The following RBM19 variants were observed in gnomAD, a reference collection of about 807,000 sequenced individuals.
RBM19 encodes the protein RNA binding motif protein 19.
A neutral mutation model predicts 116.8 loss-of-function variants in RBM19; 94 were observed. The ratio of observed to expected loss-of-function variants is 0.80; its 90% CI spans 0.68 to 0.95. The LOEUF (loss-of-function observed/expected upper bound fraction) is 0.95, where lower values mean the gene tolerates loss of function less well. Ranked by LOEUF, RBM19 falls within the 40% of genes least tolerant of loss-of-function variation. RBM19 has a pLI of 0.00. For missense variants in RBM19, 1,161 were observed against 1,220.7 expected (o/e 0.95, Z 0.73); for synonymous variants, 475 against 494.1 (o/e 0.96, Z 0.51).
Position 113,966,288 on chromosome 12 carries a change from C to T in RBM19, c.-61G>A. ...CTGGTCAGCGTCTTCCACCAAGTTT[C>T]ACGCTACCGCCCTGGGCGCCGCCAT... On this transcript the variant is annotated 5_prime_UTR_variant, in exon 1 of 24. It removes the in-frame stop codon of an upstream open reading frame in the 5' UTR. Transcript: ENST00000261741. 6.2e-7 allele frequency: 1 copy of T among 1,606,788 alleles called. No individual in the cohort carries two copies. Among genetic ancestry groups the T allele is most frequent in the Non-Finnish European group, 8.5e-7 (1 of 1,173,452 alleles).
intron 16 of RBM19, among the ~76,000 whole-genome samples, chr12:113,933,736 G>A (rs1455765028): frequency 6.6e-6 from 1 of 152,178 alleles, no homozygotes; most frequent in Non-Finnish European, 1.5e-5. Flanking sequence ...CCTGTGCTGT[G>A]ATGCAGACAT....
downstream of RBM19, chr12:113,817,303 G>A (rs1874103803): frequency 6.6e-6 from 1 of 152,292 alleles, no homozygotes; most frequent in South Asian, 2.1e-4. Context: ...CCGAGTTTCT[G>A]TCTTGTGTCT....
At chr12:113,845,083 T>C (rs1235745681) in intron 22 of RBM19, among the ~76,000 whole-genome samples, 1 of 152,188 alleles carries the variant, frequency 6.6e-6, no homozygotes, top group Non-Finnish European at 1.5e-5. Context: ...ATCCGATCTG[T>C]GGAGGGCGAC....
chr12:113,913,688 T>C (rs1023316532), intron 21 of RBM19, among the ~76,000 whole-genome samples: 5 of 152,216 alleles, frequency 3.3e-5, no homozygotes, highest in African/African-American at 1.2e-4. Context: ...ACAAGGCTGA[T>C]TTTGTAACCA....
At chr12:113,837,535 G>A (rs530400883) in intron 23 of RBM19, among the ~76,000 whole-genome samples, 21 of 152,344 alleles carry the variant, frequency 1.4e-4, no homozygotes, top group African/African-American at 4.6e-4. Context: ...GAGCCCCACC[G>A]TTTCCCTAAC....
At chr12:113,846,811 C>T (rs1877020319) in intron 22 of RBM19, among the ~76,000 whole-genome samples, 1 of 152,194 alleles carries the variant, frequency 6.6e-6, no homozygotes, top group Non-Finnish European at 1.5e-5. Flanking sequence ...CCCCTGGGCT[C>T]AAGCAATCCT....
intron 4 of RBM19, 87 bp downstream of exon 4, chr12:113,959,778 C>G: frequency 6.7e-7 from 1 of 1,501,958 alleles, no homozygotes; most frequent in Non-Finnish European, 9.2e-7. Context: ...AGCCTCCACC[C>G]TCTCCCAGCC....
chr12:113,918,317 G>A lies in RBM19; in HGVS notation c.2441+75C>T, dbSNP rs1296856948. 3 of 1,427,122 alleles carry A rather than the reference G, an allele frequency of 2.1e-6. No homozygotes were observed. The African/African-American group carries it at 4.2e-5, about 20-fold the overall frequency. 88.4% of individuals were successfully genotyped at this position (1,427,122 alleles called of 1,614,324 possible). ...AAGGACATTGAAGGGTTGTGAGACAGCCTCCAGGGTGGCCGGCACCAAGCA... is the reference window on the plus strand; with the variant it reads ...AAGGACATTGAAGGGTTGTGAGACAACCTCCAGGGTGGCCGGCACCAAGCA... On this transcript the variant is annotated intron_variant, in intron 20 of 23. Coordinates refer to ENST00000261741, the MANE Select transcript of RBM19 (RefSeq NM_016196.4).
chr12:113,881,779 G>T (rs1198058513), intron 21 of RBM19, among the ~76,000 whole-genome samples: 1 of 152,228 alleles, frequency 6.6e-6, no homozygotes, highest in Non-Finnish European at 1.5e-5. Flanking sequence ...TTCACAGGCT[G>T]GACAAAATCC....
rs760814804 is a variant in RBM19, at chr12:113,940,103, G to C, written c.1795C>G (p.Leu599Val). ...ILVKNLPAGTLAAQLQETFGH... is the reference protein window; with the variant it reads ...ILVKNLPAGTVAAQLQETFGH... ...AAGGTCTCCTGCAGCTGGGCCGCCAGGGTGCCTGCCGGGAGGTTCTTGACC... is the reference window on the plus strand; with the variant it reads ...AAGGTCTCCTGCAGCTGGGCCGCCACGGTGCCTGCCGGGAGGTTCTTGACC... The change falls in exon 15 of 24, where the codon CTG (leucine) becomes GTG (valine). Residue 599 changes from leucine to valine, a missense_variant. Transcript: ENST00000261741. 1.2e-6 allele frequency: 2 copies of C among 1,614,160 alleles called. No homozygotes were observed. Among genetic ancestry groups the C allele is most frequent in the South Asian group, 2.2e-5 (2 of 91,070 alleles).
chr12:113,912,661 C>A (rs574773428), intron 21 of RBM19, among the ~76,000 whole-genome samples: 1 of 152,368 alleles, frequency 6.6e-6, no homozygotes, highest in East Asian at 1.9e-4. Context: ...GGCATTCAAG[C>A]TCAGAGCCCC....
chr12:113,959,509 G>A (rs1872297756), intron 4 of RBM19, 105 bp from the exon 5 acceptor site: 18 of 1,272,800 alleles, frequency 1.4e-5, no homozygotes, highest in Non-Finnish European at 2.0e-5. Flanking sequence ...AAGAGGGTGA[G>A]AAGATCCCTC....
At chr12:113,964,557 A>G (rs567357179) in intron 1 of RBM19, among the ~76,000 whole-genome samples, 1 of 152,352 alleles carries the variant, frequency 6.6e-6, no homozygotes, top group Non-Finnish European at 1.5e-5. Flanking sequence ...CAAGGCATCA[A>G]GAGACATGTC....
rs1303206567 is a variant in RBM19 at position 113,900,980 on chromosome 12, A to G, written c.2558+13989T>C. Among the ~76,000 whole-genome samples the G allele has an allele frequency of 3.3e-5, 5 of 152,170 alleles. No homozygotes were observed. The East Asian group carries it at 9.6e-4, about 29-fold the overall frequency. ...CATGGCTTTGTGCCCATCCTGCAAT[A>G]TGGAGAATCTGGAGAGACACAGATA... On this transcript the variant is annotated intron_variant, in intron 21 of 23. Coordinates refer to ENST00000261741, the MANE Select transcript of RBM19 (RefSeq NM_016196.4).
At chr12:113,910,350 G>A (rs978461428) in intron 21 of RBM19, among the ~76,000 whole-genome samples, 1 of 152,170 alleles carries the variant, frequency 6.6e-6, no homozygotes, top group African/African-American at 2.4e-5. Flanking sequence ...CAAACTTCCC[G>A]ATTCTTCTAC....
chr12:113,959,117 C>T (rs1387929967), intron 5 of RBM19, 95 bp downstream of exon 5: 10 of 1,394,814 alleles, frequency 7.2e-6, no homozygotes, highest in East Asian at 4.6e-5. Flanking sequence ...GCTCACCTGA[C>T]TCCTAGAGTC....
Position 113,844,581 on chromosome 12 carries a change from C to A in RBM19, c.2785+87G>T. The A allele has an allele frequency of 3.3e-6, 5 of 1,496,228 alleles. No homozygotes were observed. The South Asian group carries it at 6.7e-5, about 20-fold the overall frequency. The allele number at this position is 1,496,228 out of a possible 1,614,324, so 92.7% of individuals were successfully genotyped here. A position where few individuals can be genotyped will look rare whatever the true frequency, so the allele number is the denominator to read the frequency against. ...CCCTTGTGCCCATAGCCTGCTGGGT[C>A]GAGGGCAGTTCTCTCAGATGTCCCA... On this transcript the variant is annotated intron_variant, in intron 23 of 23. Coordinates refer to ENST00000261741, the MANE Select transcript of RBM19 (RefSeq NM_016196.4).
intron 21 of RBM19, among the ~76,000 whole-genome samples, chr12:113,886,036 A>AT (rs577844416): frequency 4.4e-4 from 66 of 151,030 alleles, no homozygotes; most frequent in Non-Finnish European, 6.9e-4. Context: ...TGCCCAGCTA[A>AT]TTTTTTTTGT....
chr12:113,948,856 A>T lies in RBM19; in HGVS notation c.1253T>A (p.Leu418Gln). 1.2e-6 allele frequency: 2 copies of T among 1,614,194 alleles called. No homozygotes were observed. The highest frequency in any genetic ancestry group is 1.7e-6 in the Non-Finnish European group (2 of 1,180,028). ...ACCATATTTGGAGAAGAGCTTCTCC[A>T]GATCCTCCTCGGTGCTGGTGTAGGG... ...NLPYTSTEED[L>Q]EKLFSKYGPL... Residue 418 changes from leucine (L) to glutamine (Q), a missense_variant, in exon 10 of 24, where the codon CTG becomes CAG. By Grantham distance (113) the Leu-to-Gln change is moderately radical. Coordinates refer to ENST00000261741, the MANE Select transcript of RBM19 (RefSeq NM_016196.4).
Sources: gnomAD v4.1 joint callset for allele counts (sites outside exome capture counted in the v4.1 genomes callset) on GRCh38, gnomAD v4.1.1 for gene constraint, MANE v1.5 for transcripts, NCBI Gene and HGNC (gene_info 2026-07-23, HGNC 2026-07-21) for gene names.